Variants in KCNMA1 observed in about 807,000 individuals in gnomAD.
The protein encoded by KCNMA1 is Calcium-activated potassium channel subunit alpha-1.
KCNMA1 carries 29 observed loss-of-function variants against 140.0 expected under a neutral mutation model. The ratio of observed to expected loss-of-function variants is 0.21; its 90% confidence interval spans 0.15 to 0.28. KCNMA1 has a LOEUF of 0.28. Ranked by LOEUF, KCNMA1 falls within the 10% of genes least tolerant of loss-of-function variation. KCNMA1 has a pLI of 1.00. For missense variants in KCNMA1, 880 were observed against 1,602.2 expected (o/e 0.55, Z 7.70); for synonymous variants, 612 against 611.9 (o/e 1.00, Z 0.00).
chr10:77,217,379 G>A (rs2048142549), intron 3 of KCNMA1: 2 of 346,930 alleles, frequency 5.8e-6, no homozygotes, highest in Non-Finnish European at 1.2e-5. Flanking sequence ...CAGCTTTAGA[G>A]ATGTAGATGC....
chr10:77,093,662 G>A (rs1410321525), intron 9 of KCNMA1, among the ~76,000 whole-genome samples: 1 of 152,184 alleles, frequency 6.6e-6, no homozygotes, highest in Middle Eastern at 3.2e-3. Flanking sequence ...GAAGATTCTA[G>A]GGCCATAGTT....
intron 10 of KCNMA1, among the ~76,000 whole-genome samples, chr10:77,088,224 G>A (rs2096736575): frequency 1.3e-5 from 2 of 152,036 alleles, no homozygotes; most frequent in Non-Finnish European, 2.9e-5. Context: ...CCCTCCCAAA[G>A]TGCTGGGATT....
At chr10:77,606,263 G>A (rs938441966) in intron 1 of KCNMA1, among the ~76,000 whole-genome samples, 3 of 152,160 alleles carry the variant, frequency 2.0e-5, no homozygotes, top group Non-Finnish European at 4.4e-5. Context: ...GGAGGGATGG[G>A]ACAATCATTG....
At position 77,278,007 on chromosome 10, in the gene KCNMA1, C is replaced by T. The variant is rs148122607; in HGVS notation, c.541-26751G>A. Among the ~76,000 whole-genome samples the T allele has an allele frequency of 6.4e-3, 979 of 152,246 alleles. 21 individuals carry two copies. The highest frequency in any genetic ancestry group is 9.4e-3 in the Non-Finnish European group (641 of 68,030). ...AAGAGCTGTTCATGCAGCTCAAATC[C>T]AAAAATGAGCATGCTGAGTTTCTCA... On this transcript the variant is annotated intron_variant, in intron 2 of 27. Coordinates refer to ENST00000286628, the MANE Select transcript of KCNMA1 (RefSeq NM_001161352.2).
At chr10:77,002,066 A>G (rs1450536781) in intron 18 of KCNMA1, among the ~76,000 whole-genome samples, 2 of 152,190 alleles carry the variant, frequency 1.3e-5, no homozygotes, top group Admixed American at 6.5e-5. Flanking sequence ...ATTTCCATCC[A>G]TTTCTGGGCA....
intron 1 of KCNMA1, among the ~76,000 whole-genome samples, chr10:77,538,327 C>T (rs967929271): frequency 5.3e-5 from 8 of 152,186 alleles, no homozygotes; most frequent in Non-Finnish European, 1.2e-4. Context: ...CATACACACT[C>T]ACACTCAAAC....
intron 1 of KCNMA1, among the ~76,000 whole-genome samples, chr10:77,434,388 A>G (rs1312264581): frequency 6.6e-6 from 1 of 152,176 alleles, no homozygotes; most frequent in African/African-American, 2.4e-5. Context: ...GGCGGTCAGA[A>G]CAGGGAAGAT....
chr10:77,567,396 G>A (rs564469454), intron 1 of KCNMA1, among the ~76,000 whole-genome samples: 295 of 152,260 alleles, frequency 1.9e-3, no homozygotes, highest in African/African-American at 6.0e-3. Flanking sequence ...CCTTTTAGCC[G>A]CCAGCCTCCT....
chr10:77,221,962 T>C (rs2154190763), intron 3 of KCNMA1, among the ~76,000 whole-genome samples: 1 of 152,288 alleles, frequency 6.6e-6, no homozygotes, highest in Middle Eastern at 3.4e-3. Flanking sequence ...TTTAGACAAA[T>C]GTCAAATTCT....
intron 20 of KCNMA1, among the ~76,000 whole-genome samples, chr10:76,954,412 G>A (rs558236524): frequency 1.3e-5 from 2 of 152,144 alleles, no homozygotes; most frequent in Non-Finnish European, 2.9e-5. Flanking sequence ...CCAATTACTC[G>A]CTCCTTCTGA....
At chr10:77,534,414 C>A (rs2058389423) in intron 1 of KCNMA1, among the ~76,000 whole-genome samples, 1 of 152,130 alleles carries the variant, frequency 6.6e-6, no homozygotes, top group South Asian at 2.1e-4. Flanking sequence ...AAAATTGGTA[C>A]AAGCAGGCTT....
At chr10:76,880,720 C>G (rs2034301314), downstream of KCNMA1, among the ~76,000 whole-genome samples, 1 of 152,090 alleles carries the variant, frequency 6.6e-6, no homozygotes, top group South Asian at 2.1e-4. Flanking sequence ...TGGGTGGCTA[C>G]AAAATTGACC....
chr10:77,393,436 G>A (rs2095911920), intron 2 of KCNMA1, among the ~76,000 whole-genome samples: 1 of 152,178 alleles, frequency 6.6e-6, no homozygotes, highest in Admixed American at 6.5e-5. Flanking sequence ...CATGTCAGAG[G>A]CACTGTTCTA....
intron 21 of KCNMA1, among the ~76,000 whole-genome samples, chr10:76,950,689 T>C (rs1013320655): frequency 1.3e-5 from 2 of 152,196 alleles, no homozygotes; most frequent in Admixed American, 6.5e-5. Flanking sequence ...ACTGCATTGA[T>C]TGTATAAATG....
At position 76,887,326 on chromosome 10, in the gene KCNMA1, G is replaced by C. The variant is rs199678989; in HGVS notation, c.3651C>G (p.Asn1217Lys). Reference protein sequence around the residue: ...HSIPSTANRQNRPKSRESRDK... With the variant: ...HSIPSTANRQKRPKSRESRDK... ...CCCGGGACTCCCTGGACTTGGGCCGGTTCTGTCGGTTTGCTGTGGATGGGA... is the reference window on the plus strand; with the variant it reads ...CCCGGGACTCCCTGGACTTGGGCCGCTTCTGTCGGTTTGCTGTGGATGGGA... The change falls in exon 28 of 28, where the codon AAC (asparagine) becomes AAG (lysine). Residue 1217 changes from asparagine to lysine, a missense_variant. Asn to Lys is a moderately conservative substitution (Grantham distance 94). Around this residue, in one of 13 missense-constraint regions of KCNMA1, gnomAD observed 115 missense variants for 139.9 expected, o/e 0.82. Transcript: ENST00000286628. The C allele has an allele frequency of 2.5e-6, 4 of 1,614,136 alleles. No homozygotes were observed. Among genetic ancestry groups the C allele is most frequent in the Non-Finnish European group, 3.4e-6 (4 of 1,180,018 alleles).
intron 2 of KCNMA1, among the ~76,000 whole-genome samples, chr10:77,257,355 A>G (rs1418330929): frequency 6.6e-6 from 1 of 152,206 alleles, no homozygotes; most frequent in East Asian, 1.9e-4. Flanking sequence ...CTCAGGGAGC[A>G]TGGGATCTAG....
intron 1 of KCNMA1, among the ~76,000 whole-genome samples, chr10:77,436,563 T>G (rs895606999): frequency 2.0e-5 from 3 of 152,210 alleles, no homozygotes; most frequent in African/African-American, 7.2e-5. Flanking sequence ...CTCATTTAAC[T>G]AATCCTCCCA....
At chr10:77,298,438 C>T (rs1472151733) in intron 2 of KCNMA1, among the ~76,000 whole-genome samples, 5 of 152,108 alleles carry the variant, frequency 3.3e-5, no homozygotes, top group Non-Finnish European at 5.9e-5. Context: ...GACAGGGTTT[C>T]GTCATGTTGG....
chr10:76,928,510 A>G (rs1564967380), intron 23 of KCNMA1, among the ~76,000 whole-genome samples: 1 of 152,162 alleles, frequency 6.6e-6, no homozygotes, highest in Non-Finnish European at 1.5e-5. Context: ...AACATAAAAC[A>G]CATTCCAATA....
Sources: allele counts gnomAD v4.1 joint callset (sites outside exome capture counted in the v4.1 genomes callset), GRCh38; gene constraint gnomAD v4.1.1; regional missense constraint gnomAD v4.1.1; transcripts MANE v1.5; gene names NCBI Gene and HGNC (gene_info 2026-07-23, HGNC 2026-07-21).